AHI1: variants seen among roughly 807,000 people sequenced by gnomAD.
AHI1 encodes the protein jouberin.
AHI1 carries 123 observed loss-of-function variants against 149.3 expected under a neutral mutation model. The observed-to-expected ratio is 0.82, with a 90% CI of 0.71 to 0.96. The LOEUF (loss-of-function observed/expected upper bound fraction) is 0.96. Ranked by LOEUF, AHI1 falls within the 40% of genes least tolerant of loss-of-function variation. The pLI, the probability that AHI1 is intolerant of heterozygous loss-of-function variation, is 0.00. For synonymous variants in AHI1, 475 were observed against 459.8 expected, an observed-to-expected ratio of 1.03 and a Z score of -0.42; for missense variants, 1,439 against 1,422.7, an observed-to-expected ratio of 1.01 and a Z score of -0.18.
intron 3 of AHI1, chr6:135,492,589 T>A (rs1554229633): frequency 3.0e-6 from 3 of 985,132 alleles, no homozygotes; most frequent in Non-Finnish European, 3.6e-6. Flanking sequence ...ATAAACTTTT[T>A]AAAGTGTTTT....
chr6:135,466,116 C>G lies in AHI1; in HGVS notation c.447G>C (p.Lys149Asn), dbSNP rs1459783382. ...QDLKPETPENKVDSTHQKTHT... is the reference protein window; with the variant it reads ...QDLKPETPENNVDSTHQKTHT... ...GTGTTTTCTGGTGTGTAGAATCAAC[C>G]TTATTCTCAGGAGTTTCCGGTTTCA... The change falls in exon 7 of 29, where the codon AAG (lysine) becomes AAC (asparagine). Residue 149 changes from lysine (K) to asparagine (N), a missense_variant. Transcript: ENST00000265602. 3 of 1,613,872 alleles carry G rather than the reference C, an allele frequency of 1.9e-6. No individual in the cohort carries two copies. In the East Asian group the frequency reaches 6.7e-5, roughly 36 times the overall value.
At chr6:135,364,564 G>A (rs1242919789) in intron 23 of AHI1, among the ~76,000 whole-genome samples, 4 of 150,732 alleles carry the variant, frequency 2.7e-5, no homozygotes, top group East Asian at 1.9e-4. Context: ...AGGTTGTAGC[G>A]AGCCGAGATC....
At chr6:135,390,041 T>C (rs1050803568) in intron 23 of AHI1, among the ~76,000 whole-genome samples, 1 of 152,150 alleles carries the variant, frequency 6.6e-6, no homozygotes, top group African/African-American at 2.4e-5. Context: ...TTTAAACTCA[T>C]GAGCAATCGT....
intron 15 of AHI1, 72 bp from the exon 16 acceptor site, chr6:135,433,328 C>G (rs1273741454): frequency 3.6e-6 from 4 of 1,103,274 alleles, no homozygotes; most frequent in East Asian, 2.5e-5. Context: ...TTCTAAGAAC[C>G]AACACAGCCA....
At chr6:135,323,395 C>G in intron 24 of AHI1, 71 bp from the exon 25 acceptor site, 1 of 1,515,034 alleles carries the variant, frequency 6.6e-7, no homozygotes, top group South Asian at 1.2e-5. Flanking sequence ...ACATTCACTT[C>G]CTCTTGCAGA....
chr6:135,287,576 C>T (rs866969545), intron 28 of AHI1, among the ~76,000 whole-genome samples: 7 of 152,160 alleles, frequency 4.6e-5, no homozygotes, highest in African/African-American at 1.7e-4. Context: ...GAGGAGAAGA[C>T]ATCTAACCAA....
chr6:135,410,700 T>C (rs1781461667), intron 21 of AHI1, among the ~76,000 whole-genome samples: 1 of 152,248 alleles, frequency 6.6e-6, no homozygotes, highest in Admixed American at 6.5e-5. Flanking sequence ...TTATCTTAGA[T>C]GTCTTTCTAA....
chr6:135,358,563 CTA>C (rs1793356122), intron 23 of AHI1, among the ~76,000 whole-genome samples: 1 of 152,138 alleles, frequency 6.6e-6, no homozygotes, highest in African/African-American at 2.4e-5. Flanking sequence ...ATCACAAGGG[CTA>C]TGAAGTGAAT....
intron 28 of AHI1, chr6:135,286,400 C>G (rs1365437966): frequency 6.6e-6 from 1 of 152,202 alleles, no homozygotes; most frequent in African/African-American, 2.4e-5. Flanking sequence ...TGGACTTACA[C>G]AGAAAGGTTA....
Position 135,350,511 on chromosome 6 carries a change from G to A in AHI1, c.3165+7621C>T, listed in dbSNP as rs151319590. Among the ~76,000 whole-genome samples, 149 of 152,248 alleles carry A rather than the reference G, an allele frequency of 9.8e-4. No homozygotes were observed. In the East Asian group the frequency reaches 0.027, roughly 28 times the overall value. On this transcript the variant is annotated intron_variant, in intron 24 of 28. Transcript: ENST00000265602. ...ACTGAAGGCCTATAAGTAGTGGTGA[G>A]TAAGATGGACATAGTCCATGCTGTT...
intron 27 of AHI1, among the ~76,000 whole-genome samples, chr6:135,296,261 G>A (rs1783081687): frequency 6.6e-6 from 1 of 151,920 alleles, no homozygotes; most frequent in Non-Finnish European, 1.5e-5. Context: ...TTTTTTCCGA[G>A]GCACCACCAC....
rs374082543 is a variant in AHI1 at position 135,314,575 on chromosome 6, C to T, written c.3426+3944G>A. Among the ~76,000 whole-genome samples, 261 of 152,346 alleles carry T rather than the reference C, an allele frequency of 1.7e-3. 1 individual carries two copies. Among genetic ancestry groups the T allele is most frequent in the African/African-American group, 6.0e-3 (251 of 41,588 alleles). On this transcript the variant is annotated intron_variant, in intron 26 of 28. Transcript: ENST00000265602. ...ATCAAATTCCTGCCAATCCTCTTGA[C>T]TGTATCCCTTACAGTCCTTACATTG...
intron 21 of AHI1, among the ~76,000 whole-genome samples, chr6:135,409,316 CTATTAA>C (rs1373750609): frequency 6.6e-6 from 1 of 152,022 alleles, no homozygotes; most frequent in Non-Finnish European, 1.5e-5. Flanking sequence ...TGTCAATAAT[CTATTAA>C]TATTTTGGGA....
At chr6:135,289,988 G>A (rs1476354564) in intron 28 of AHI1, among the ~76,000 whole-genome samples, 2 of 151,986 alleles carry the variant, frequency 1.3e-5, no homozygotes, top group African/African-American at 4.8e-5. Flanking sequence ...ATCCTCTGGA[G>A]TTCCTTAGGC....
At chr6:135,361,024 T>C (rs1793779608) in intron 23 of AHI1, among the ~76,000 whole-genome samples, 1 of 152,238 alleles carries the variant, frequency 6.6e-6, no homozygotes, top group Non-Finnish European at 1.5e-5. Flanking sequence ...GTTCTTTTCT[T>C]CCTCTTTTTC....
chr6:135,419,062 C>G (rs1380934964), intron 20 of AHI1, among the ~76,000 whole-genome samples: 1 of 151,640 alleles, frequency 6.6e-6, no homozygotes, highest in African/African-American at 2.4e-5. Flanking sequence ...ATTCTGGTAG[C>G]CTGTGTTTCA....
In AHI1 at chr6:135,386,202, C is replaced by T. The variant is rs75933765; in HGVS notation, c.3109+8574G>A. 2.6e-4 allele frequency among the ~76,000 whole-genome samples: 40 copies of T among 151,262 alleles called. No individual in the cohort carries two copies. The East Asian group carries it at 6.8e-3, about 26-fold the overall frequency. ...TCCTAATCTGAAGTTCATTCCTCCA[C>T]GTATCAGTGCTTCTGTCAATAAACA... On this transcript the variant is annotated intron_variant, in intron 23 of 28. Transcript: ENST00000265602.
At chr6:135,330,491 T>C (rs975160490) in intron 24 of AHI1, among the ~76,000 whole-genome samples, 4 of 152,218 alleles carry the variant, frequency 2.6e-5, no homozygotes, top group Non-Finnish European at 5.9e-5. Context: ...ACTACATACT[T>C]AATAGACTAC....
At chr6:135,419,128 T>C (rs1419027784) in intron 20 of AHI1, among the ~76,000 whole-genome samples, 4 of 152,044 alleles carry the variant, frequency 2.6e-5, no homozygotes, top group Non-Finnish European at 1.5e-5. Context: ...AATTAGAACT[T>C]TGAAGTATTA....
Sources: gnomAD v4.1 joint callset for allele counts (sites outside exome capture counted in the v4.1 genomes callset) on GRCh38, gnomAD v4.1.1 for gene constraint, MANE v1.5 for transcripts, NCBI Gene and HGNC (gene_info 2026-07-23, HGNC 2026-07-21) for gene names.